The following DTD1 variants were observed in gnomAD, a reference collection of about 807,000 sequenced individuals.
DTD1 encodes D-tyrosyl-tRNA deacylase 1 homolog.
A neutral mutation model predicts 25.6 loss-of-function variants in DTD1; 13 were observed. The ratio of observed to expected loss-of-function variants is 0.51; its 90% CI spans 0.33 to 0.81. The LOEUF (loss-of-function observed/expected upper bound fraction) is 0.81, where lower values mean the gene tolerates loss of function less well. DTD1 is among the 30% of genes least tolerant of loss of function. The pLI is 0.02. For synonymous variants in DTD1, 110 were observed against 103.6 expected (o/e 1.06, Z -0.37); for missense variants, 193 against 266.4 (o/e 0.72, Z 1.92).
chr20:18,654,657 C>T (rs2060885581), intron 4 of DTD1, among the ~76,000 whole-genome samples: 1 of 152,178 alleles, frequency 6.6e-6, no homozygotes, highest in Non-Finnish European at 1.5e-5. Context: ...TCAGTGCTTA[C>T]CCATTCTGCT....
intron 4 of DTD1, among the ~76,000 whole-genome samples, chr20:18,708,171 G>GTGTGTATATATATTTTATATATATAT: frequency 1.2e-5 from 1 of 85,858 alleles, no homozygotes; most frequent in African/African-American, 4.7e-5. Context: ...GTGTGTGTGT[G>GTGTGTATATATATTTTATATATATAT]TATATATATA....
intron 4 of DTD1, among the ~76,000 whole-genome samples, chr20:18,669,144 T>G (rs1445387566): frequency 7.3e-6 from 1 of 137,926 alleles, no homozygotes; most frequent in African/African-American, 2.6e-5. Context: ...TGAGCTGCTG[T>G]TTGACATGGG....
chr20:18,597,210 A>C (rs6081239), intron 3 of DTD1, among the ~76,000 whole-genome samples: 7 of 145,452 alleles, frequency 4.8e-5, no homozygotes, highest in African/African-American at 1.8e-4. Context: ...TATAGAGAGA[A>C]GGAGCTATAG....
At chr20:18,726,049 T>C (rs888399551) in intron 4 of DTD1, among the ~76,000 whole-genome samples, 1 of 152,220 alleles carries the variant, frequency 6.6e-6, no homozygotes, top group Non-Finnish European at 1.5e-5. Context: ...TGTTTTGTTA[T>C]AGAAGAGGGA....
At chr20:18,708,295 A>ATATT in intron 4 of DTD1, among the ~76,000 whole-genome samples, 1 of 59,198 alleles carries the variant, frequency 1.7e-5, no homozygotes, top group Admixed American at 2.8e-4. Flanking sequence ...TTATATATAT[A>ATATT]TAATATATAT....
At chr20:18,699,515 C>G (rs2061094168) in intron 4 of DTD1, among the ~76,000 whole-genome samples, 1 of 152,212 alleles carries the variant, frequency 6.6e-6, no homozygotes, top group African/African-American at 2.4e-5. Flanking sequence ...CTTCAAGTTT[C>G]TGTCAGATCT....
intron 1 of DTD1, among the ~76,000 whole-genome samples, chr20:18,590,954 TGTTTGG>T (rs2122236664): frequency 6.6e-6 from 1 of 152,334 alleles, no homozygotes; most frequent in East Asian, 1.9e-4. Context: ...GGATCTAAAA[TGTTTGG>T]GTTTAACTAG....
chr20:18,743,741 G>GA (rs1277815712), intron 4 of DTD1, among the ~76,000 whole-genome samples: 10 of 150,786 alleles, frequency 6.6e-5, no homozygotes, highest in South Asian at 2.1e-4. Flanking sequence ...AACTTGATGA[G>GA]AAAAAAAACT....
intron 4 of DTD1, among the ~76,000 whole-genome samples, chr20:18,644,982 C>T (rs940472679): frequency 2.6e-5 from 4 of 152,038 alleles, no homozygotes; most frequent in Non-Finnish European, 5.9e-5. Context: ...TCCATCTCTA[C>T]AAATAATAAT....
chr20:18,701,503 C>G (rs6132104), intron 4 of DTD1, among the ~76,000 whole-genome samples: 1 of 152,030 alleles, frequency 6.6e-6, no homozygotes, highest in South Asian at 2.1e-4. Context: ...TTTCTTCCTC[C>G]TGTGCAATCT....
chr20:18,737,448 G>A (rs1209746022), intron 4 of DTD1, among the ~76,000 whole-genome samples: 1 of 152,232 alleles, frequency 6.6e-6, no homozygotes, highest in Non-Finnish European at 1.5e-5. Context: ...TAGGATGTGC[G>A]GATGCTAACT....
At chr20:18,732,816 C>A (rs2061242985) in intron 4 of DTD1, among the ~76,000 whole-genome samples, 1 of 152,226 alleles carries the variant, frequency 6.6e-6, no homozygotes. Context: ...CTTGATCATT[C>A]CTTCTCATTC....
At chr20:18,693,657 A>G (rs934213153) in intron 4 of DTD1, among the ~76,000 whole-genome samples, 1 of 31,970 alleles carries the variant, frequency 3.1e-5, no homozygotes. Flanking sequence ...ACTCCCATCT[A>G]AAAAAAAAAA....
At chr20:18,661,420 A>G (rs555285722) in intron 4 of DTD1, among the ~76,000 whole-genome samples, 87 of 132,586 alleles carry the variant, frequency 6.6e-4, no homozygotes, top group African/African-American at 1.8e-3. Flanking sequence ...CGCCCAGGCT[A>G]GAGTGCAGTG....
In DTD1 at chr20:18,702,001, A is replaced by G. The variant is rs566655825; in HGVS notation, c.478-42099A>G. Among the ~76,000 whole-genome samples, 6 of 152,350 alleles carry G rather than the reference A, an allele frequency of 3.9e-5. No individual in the cohort carries two copies. In the East Asian group the frequency reaches 7.7e-4, roughly 20 times the overall value. On this transcript the variant is annotated intron_variant, in intron 4 of 5. Transcript: ENST00000377452. The stretch of plus-strand genomic sequence containing the variant: ...CTGAGGTCCATTGTAAAATCTTGCT[A>G]TGTAACCTAATCATTGTTGACAGGA...
At chr20:18,595,857 G>C (rs772379686) in intron 2 of DTD1, 149 bp from the exon 3 acceptor site, 22 of 663,056 alleles carry the variant, frequency 3.3e-5, no homozygotes, top group Non-Finnish European at 6.0e-5. Context: ...GGGTGGATAA[G>C]TGACTTGCCT....
chr20:18,596,263 A>T, intron 3 of DTD1, 22 bp downstream of exon 3: 1 of 1,604,898 alleles, frequency 6.2e-7, no homozygotes, highest in East Asian at 2.2e-5. Flanking sequence ...AGCCACATCC[A>T]GGAACGGGTC....
rs921272385 is a variant in DTD1, at chr20:18,749,157, G to T, written c.*19+4886G>T. ...ATGTTCTGGCTGTGCTCCAGGCTGG[G>T]ATCCTTGGAGTGGGGGAATGGGGGT... On this transcript the variant is annotated intron_variant, in intron 5 of 5. Coordinates refer to ENST00000377452, the MANE Select transcript of DTD1 (RefSeq NM_080820.6). This position sits in a 1 kb window ranked among gnomAD's most constrained non-coding sequence, Gnocchi z 4.2. Among the ~76,000 whole-genome samples, 5 of 152,176 alleles carry T rather than the reference G, an allele frequency of 3.3e-5. No homozygotes were observed.
intron 4 of DTD1, among the ~76,000 whole-genome samples, chr20:18,694,275 C>T (rs1286973324): frequency 6.6e-6 from 1 of 152,178 alleles, no homozygotes; most frequent in Non-Finnish European, 1.5e-5. Context: ...CCTGGGGATA[C>T]AGGAGTAAGA....
Sources: allele counts gnomAD v4.1 joint callset (sites outside exome capture counted in the v4.1 genomes callset), GRCh38; gene constraint gnomAD v4.1.1; non-coding constraint Gnocchi (gnomAD v3.1); transcripts MANE v1.5; gene names NCBI Gene and HGNC (gene_info 2026-07-23, HGNC 2026-07-21).